Variants in NDST4 observed in about 807,000 individuals in gnomAD.
The protein encoded by NDST4 is N-heparan sulfate sulfotransferase 4.
In NDST4, 63 loss-of-function variants were observed where a neutral mutation model predicts 100.8. That is an observed-to-expected ratio of 0.62 (90% confidence interval 0.51 to 0.77). The LOEUF (loss-of-function observed/expected upper bound fraction) is 0.77. Among genes scored for constraint, NDST4 ranks in the 30% least tolerant of loss-of-function variants. The pLI, the probability that NDST4 is intolerant of heterozygous loss-of-function variation, is 0.00. For missense variants in NDST4, 943 were observed against 1,018.4 expected, an observed-to-expected ratio of 0.93 and a Z score of 1.01; for synonymous variants, 377 against 361.8, an observed-to-expected ratio of 1.04 and a Z score of -0.48.
chr4:114,888,950 C>T (rs1724536255), intron 6 of NDST4, among the ~76,000 whole-genome samples: 1 of 151,816 alleles, frequency 6.6e-6, no homozygotes, highest in South Asian at 2.1e-4. Context: ...TCTTTACTTT[C>T]CCTTATTTCT....
At chr4:114,917,903 T>C (rs1725207922) in intron 6 of NDST4, among the ~76,000 whole-genome samples, 1 of 152,092 alleles carries the variant, frequency 6.6e-6, no homozygotes, top group Admixed American at 6.5e-5. Flanking sequence ...ATTTGGAAGA[T>C]TAAATAAGGT....
intron 2 of NDST4, among the ~76,000 whole-genome samples, chr4:115,054,319 A>G (rs1159621212): frequency 2.0e-5 from 3 of 152,130 alleles, no homozygotes; most frequent in African/African-American, 7.2e-5. Flanking sequence ...AGGAAGAACT[A>G]TTAGACAGAA....
chr4:114,953,015 T>A (rs1726052678), intron 4 of NDST4, among the ~76,000 whole-genome samples: 1 of 148,184 alleles, frequency 6.7e-6, no homozygotes, highest in African/African-American at 2.6e-5. Context: ...TGGCTCATTT[T>A]TTTTCTTTTT....
intron 1 of NDST4, among the ~76,000 whole-genome samples, chr4:115,091,793 A>G (rs1476586115): frequency 6.6e-6 from 1 of 152,162 alleles, no homozygotes; most frequent in Non-Finnish European, 1.5e-5. Flanking sequence ...GCACATATAT[A>G]TAATAGATTT....
At chr4:115,094,850 G>A (rs1055174882) in intron 1 of NDST4, among the ~76,000 whole-genome samples, 5 of 143,610 alleles carry the variant, frequency 3.5e-5, no homozygotes, top group Non-Finnish European at 7.6e-5. Context: ...CACTTTCAGA[G>A]GGAGCATGGC....
chr4:114,987,833 G>T (rs1293839110), intron 2 of NDST4, among the ~76,000 whole-genome samples: 1 of 152,090 alleles, frequency 6.6e-6, no homozygotes, highest in Non-Finnish European at 1.5e-5. Flanking sequence ...TGCTTATTTA[G>T]GAAAAAACAT....
At chr4:114,834,133 C>T (rs1316442807) in intron 11 of NDST4, among the ~76,000 whole-genome samples, 1 of 152,130 alleles carries the variant, frequency 6.6e-6, no homozygotes, top group Non-Finnish European at 1.5e-5. Context: ...TAATCTTAAA[C>T]AAACAAGACA....
chr4:115,107,745 C>A (rs1223343633), intron 1 of NDST4, among the ~76,000 whole-genome samples: 1 of 151,912 alleles, frequency 6.6e-6, no homozygotes, highest in Non-Finnish European at 1.5e-5. Context: ...TTGCATGGTG[C>A]CTGACACATA....
intron 6 of NDST4, among the ~76,000 whole-genome samples, chr4:114,930,336 T>G (rs1276644469): frequency 6.6e-6 from 1 of 152,196 alleles, no homozygotes; most frequent in Non-Finnish European, 1.5e-5. Flanking sequence ...AGAGCATCCA[T>G]GCGCCTGTTC....
intron 4 of NDST4, among the ~76,000 whole-genome samples, chr4:114,955,628 G>T (rs1306439118): frequency 6.6e-6 from 1 of 152,178 alleles, no homozygotes; most frequent in African/African-American, 2.4e-5. Flanking sequence ...GTGCAATGGT[G>T]GTATGAGGAG....
At chr4:114,852,348 T>G (rs2126188818) in intron 8 of NDST4, among the ~76,000 whole-genome samples, 1 of 152,286 alleles carries the variant, frequency 6.6e-6, no homozygotes, top group South Asian at 2.1e-4. Flanking sequence ...TAAAATAGTT[T>G]GAATCGGGCC....
chr4:115,044,551 C>T (rs1578478687), intron 2 of NDST4, among the ~76,000 whole-genome samples: 1 of 152,010 alleles, frequency 6.6e-6, no homozygotes, highest in East Asian at 1.9e-4. Flanking sequence ...TATTCCAGGT[C>T]ATTTATAACT....
chr4:115,040,782 CA>C (rs1374695076), intron 2 of NDST4, among the ~76,000 whole-genome samples: 2 of 152,030 alleles, frequency 1.3e-5, no homozygotes, highest in African/African-American at 4.8e-5. Context: ...AACAGCTTCC[CA>C]CCAAAGTTAG....
chr4:114,833,513 T>C, intron 12 of NDST4, 93 bp downstream of exon 12: 1 of 758,350 alleles, frequency 1.3e-6, no homozygotes, highest in East Asian at 2.7e-5. Flanking sequence ...GTATAAATTC[T>C]AGCTAGTATT....
chr4:115,058,742 G>A (rs1476383946), intron 2 of NDST4, among the ~76,000 whole-genome samples: 3 of 151,966 alleles, frequency 2.0e-5, no homozygotes, highest in African/African-American at 7.2e-5. Flanking sequence ...CAATTTCAAG[G>A]TCTCTTTCAA....
chr4:115,010,768 A>C (rs377734756), intron 2 of NDST4, among the ~76,000 whole-genome samples: 2 of 152,118 alleles, frequency 1.3e-5, no homozygotes, highest in East Asian at 3.8e-4. Flanking sequence ...GAAATATCAG[A>C]TAATATGAAA....
At chr4:114,915,878 A>T (rs1334181068) in intron 6 of NDST4, among the ~76,000 whole-genome samples, 1 of 152,106 alleles carries the variant, frequency 6.6e-6, no homozygotes, top group African/African-American at 2.4e-5. Flanking sequence ...AGAGAAAAAA[A>T]GAAGGGTAAA....
chr4:115,030,058 A>G (rs1406131949), intron 2 of NDST4, among the ~76,000 whole-genome samples: 1 of 152,118 alleles, frequency 6.6e-6, no homozygotes, highest in Non-Finnish European at 1.5e-5. Flanking sequence ...GTTTTATGCT[A>G]TGCAATGAAG....
chr4:115,046,984 T>C (rs1728475474), intron 2 of NDST4, among the ~76,000 whole-genome samples: 2 of 152,104 alleles, frequency 1.3e-5, no homozygotes, highest in Non-Finnish European at 2.9e-5. Context: ...AAAAGCACAT[T>C]CTAACAGCTT....
Sources: allele counts gnomAD v4.1 joint callset (sites outside exome capture counted in the v4.1 genomes callset), GRCh38; gene constraint gnomAD v4.1.1; transcripts MANE v1.5; gene names NCBI Gene and HGNC (gene_info 2026-07-23, HGNC 2026-07-21).